Variants in FCHSD1 observed in about 807,000 individuals in gnomAD.
FCHSD1 encodes F-BAR and double SH3 domains protein 1.
FCHSD1 carries 109 observed loss-of-function variants against 101.3 expected under a neutral mutation model. The ratio of observed to expected loss-of-function variants is 1.08; its 90% CI spans 0.92 to 1.26. The LOEUF is 1.26. Among genes scored for constraint, FCHSD1 ranks in the 50% most tolerant of loss-of-function variants. FCHSD1 has a pLI of 0.00. For missense variants in FCHSD1, 820 were observed against 895.8 expected (o/e 0.92, Z 1.08); for synonymous variants, 291 against 356.8 (o/e 0.82, Z 2.08).
intron 1 of FCHSD1, 88 bp downstream of exon 1, chr5:141,651,260 T>C (rs945508351): frequency 7.8e-6 from 12 of 1,546,172 alleles, no homozygotes; most frequent in African/African-American, 1.4e-5. Context: ...CCCTTCCGAC[T>C]TCCCGTCTCC....
chr5:141,649,284 G>T lies in FCHSD1; in HGVS notation c.400C>A (p.Gln134Lys), dbSNP rs769340798. The change falls in exon 6 of 20, where the codon CAG becomes AAG. Residue 134 changes from glutamine (Q) to lysine (K), a missense_variant. Physicochemically the swap from Gln to Lys is moderately conservative, Grantham distance 53. Coordinates refer to ENST00000435817, the MANE Select transcript of FCHSD1 (RefSeq NM_033449.3). The surrounding 1 kb of genome is among the most constrained non-coding windows in gnomAD (Gnocchi z 4.1). ...RKGTENLQRA[Q>K]AEVLQSVREL... is the part of the protein sequence containing the mutation. Reference sequence around the variant, plus strand: ...CGGACAGACTGCAGCACCTCAGCCTGCGCCCTCTGGAGGTTCTCTGTTCCC... The same window carrying T: ...CGGACAGACTGCAGCACCTCAGCCTTCGCCCTCTGGAGGTTCTCTGTTCCC... The T allele has an allele frequency of 5.6e-6, 9 of 1,613,996 alleles. No homozygotes were observed. Among genetic ancestry groups the T allele is most frequent in the Non-Finnish European group, 7.6e-6 (9 of 1,179,890 alleles).
intron 18 of FCHSD1, chr5:141,642,411 G>A (rs1472123347): frequency 1.4e-6 from 1 of 694,198 alleles, no homozygotes; most frequent in East Asian, 2.7e-5. Flanking sequence ...CAGGTACAAT[G>A]TTCACTATTT....
chr5:141,649,672 C>T lies in FCHSD1; in HGVS notation c.234-136G>A, dbSNP rs769138429. On this transcript the variant is annotated intron_variant, in intron 4 of 19. Coordinates refer to ENST00000435817, the MANE Select transcript of FCHSD1 (RefSeq NM_033449.3). The surrounding 1 kb of genome is among the most constrained non-coding windows in gnomAD (Gnocchi z 4.1). ...CTCCCTTGTCTGGGAGCCCATCAAT[C>T]GATCAGCCCATTAGCTCAGCCACAA... 6.1e-6 allele frequency: 8 copies of T among 1,315,208 alleles called. No homozygotes were observed. Among genetic ancestry groups the T allele is most frequent in the East Asian group, 2.5e-5 (1 of 39,576 alleles). 81.5% of individuals were successfully genotyped at this position (1,315,208 alleles called of 1,614,324 possible).
chr5:141,644,556 A>C lies in FCHSD1; in HGVS notation c.1642+17T>G, dbSNP rs1373645399. 1 of 1,613,014 alleles carries C rather than the reference A, an allele frequency of 6.2e-7. No homozygotes were observed. The highest frequency in any genetic ancestry group is 8.5e-7 in the Non-Finnish European group (1 of 1,179,174). ...TCCATACCCAGGGTCCTCTAACCCA[A>C]AATTTCCCTTTCTTACCTGTGGGCT... On this transcript the variant is annotated intron_variant, in intron 16 of 19. Coordinates refer to ENST00000435817, the MANE Select transcript of FCHSD1 (RefSeq NM_033449.3).
Position 141,651,008 on chromosome 5 carries a change from TGGG to T in FCHSD1, c.119+9_119+11del. 6.4e-7 allele frequency: 1 copy of T among 1,572,386 alleles called. No individual in the cohort carries two copies. The highest frequency in any genetic ancestry group is 8.6e-7 in the Non-Finnish European group (1 of 1,157,420). On this transcript the variant is annotated intron_variant, in intron 2 of 19. Transcript: ENST00000435817. ...GAAGGTGAGTGTAAATGAAGGGGGTTGGGGGAGCTACCTGATGTCCTCCAGCAG... is the reference window on the plus strand; with the variant it reads ...GAAGGTGAGTGTAAATGAAGGGGGTTGGAGCTACCTGATGTCCTCCAGCAG...
chr5:141,648,173 C>T, intron 7 of FCHSD1, 77 bp from the exon 8 acceptor site: 1 of 1,491,738 alleles, frequency 6.7e-7, no homozygotes, highest in African/African-American at 1.4e-5. Context: ...AAGCCAGATC[C>T]AGAATGGATT....
At chr5:141,643,582 G>A (rs2154598351) in intron 17 of FCHSD1, among the ~76,000 whole-genome samples, 1 of 152,340 alleles carries the variant, frequency 6.6e-6, no homozygotes, top group Middle Eastern at 3.4e-3. Flanking sequence ...GGGCGCAGTG[G>A]CTCATGCCTA....
At chr5:141,642,754 A>G in intron 18 of FCHSD1, 1 of 552,762 alleles carries the variant, frequency 1.8e-6, no homozygotes. Context: ...TCAATAAGCT[A>G]GTACCTTTTC....
At chr5:141,650,869 A>G (rs1432847454) in intron 2 of FCHSD1, 151 bp downstream of exon 2, 2 of 700,924 alleles carry the variant, frequency 2.9e-6, no homozygotes, top group African/African-American at 1.8e-5. Flanking sequence ...CCTATCCAGT[A>G]TCTGGAGAGG....
chr5:141,644,076 C>T (rs959460582), intron 17 of FCHSD1, 142 bp downstream of exon 17: 1 of 799,196 alleles, frequency 1.3e-6, no homozygotes, highest in Non-Finnish European at 2.0e-6. Context: ...CCCTGCCCCC[C>T]CATAGGAGAT....
At position 141,640,944 on chromosome 5, in the gene FCHSD1, C is replaced by A; in HGVS notation, c.*554G>T. On this transcript the variant is annotated 3_prime_UTR_variant, in exon 20 of 20. Coordinates refer to ENST00000435817, the MANE Select transcript of FCHSD1 (RefSeq NM_033449.3). ...TGGCAGCTGGGAGCAGGCCCCTGCCCGTGGTGGGCCCCTAAAGCAATAGCA... is the reference window on the plus strand; with the variant it reads ...TGGCAGCTGGGAGCAGGCCCCTGCCAGTGGTGGGCCCCTAAAGCAATAGCA... The A allele has an allele frequency of 2.0e-6, 1 of 508,784 alleles. No individual in the cohort carries two copies. Among genetic ancestry groups the A allele is most frequent in the Non-Finnish European group, 3.5e-6 (1 of 288,724 alleles). The allele number at this position is 508,784 out of a possible 1,614,324, so 31.5% of individuals were successfully genotyped here.
rs199678864 is a variant in FCHSD1, at chr5:141,644,406, C to T, written c.1675G>A (p.Gly559Arg). 1.9e-4 allele frequency: 307 copies of T among 1,613,902 alleles called. No homozygotes were observed. Among genetic ancestry groups the T allele is most frequent in the Admixed American group, 3.0e-4 (18 of 60,010 alleles). Reference protein sequence around the residue: ...FLAQALYSYTGQSAEELSFPE... With the variant: ...FLAQALYSYTRQSAEELSFPE... ...AAGCTCAGCTCCTCTGCACTCTGTC[C>T]GGTGTAGCTGTACAGGGCCTGTGCC... Residue 559 changes from glycine to arginine, a missense_variant, in exon 17 of 20, where the codon GGA becomes AGA. Transcript: ENST00000435817.
chr5:141,645,000 G>C lies in FCHSD1; in HGVS notation c.1440+20C>G. ...TGTCCCCCACCCTTGCCCATCAGAG[G>C]TCCCCACCCCCATTCATACCTGATA... On this transcript the variant is annotated intron_variant, in intron 14 of 19. Transcript: ENST00000435817. 6.2e-7 allele frequency: 1 copy of C among 1,613,668 alleles called. No homozygotes were observed. Among genetic ancestry groups the C allele is most frequent in the South Asian group, 1.1e-5 (1 of 91,042 alleles).
At chr5:141,645,623 G>T in intron 13 of FCHSD1, 148 bp downstream of exon 13, 1 of 1,001,116 alleles carries the variant, frequency 1.0e-6, no homozygotes, top group Non-Finnish European at 1.4e-6. Context: ...CAGAAATTAT[G>T]CAAAGAATGA....
intron 18 of FCHSD1, chr5:141,642,375 G>A (rs139821919): frequency 8.7e-6 from 6 of 688,184 alleles, no homozygotes; most frequent in South Asian, 7.7e-5. Context: ...AGTAGAGGCA[G>A]GGGCGAGGGT....
rs756165394 is a variant in FCHSD1, at chr5:141,647,242, G to A, written c.829-12C>T. On this transcript the variant is annotated splice_polypyrimidine_tract_variant and intron_variant, in intron 9 of 19. Coordinates refer to ENST00000435817, the MANE Select transcript of FCHSD1 (RefSeq NM_033449.3). ...TGCTCCCAGCTTACCTAGGGGTTGG[G>A]AAAAGTCAAAGTCACTCATTCACTG... 2 of 1,597,186 alleles carry A rather than the reference G, an allele frequency of 1.3e-6. No individual in the cohort carries two copies. The highest frequency in any genetic ancestry group is 1.3e-5 in the African/African-American group (1 of 74,608).
chr5:141,645,678 G>C, intron 13 of FCHSD1, 93 bp downstream of exon 13: 1 of 1,407,384 alleles, frequency 7.1e-7, no homozygotes, highest in Non-Finnish European at 9.5e-7. Flanking sequence ...CTTTGAGTTA[G>C]GCACAACTGT....
At chr5:141,646,764 C>T (rs1229981151) in intron 10 of FCHSD1, 42 bp from the exon 11 acceptor site, 2 of 1,597,178 alleles carry the variant, frequency 1.3e-6, no homozygotes, top group South Asian at 1.1e-5. Context: ...CCTGAGGCTG[C>T]TCCTTCTCTC....
intron 1 of FCHSD1, 83 bp from the exon 2 acceptor site, chr5:141,651,200 CG>C (rs1366637083): frequency 1.4e-4 from 128 of 943,076 alleles, no homozygotes; most frequent in East Asian, 2.0e-4. Context: ...GGGGCGGGGC[CG>C]GGGGGGTGCT....
Sources: allele counts gnomAD v4.1 joint callset (sites outside exome capture counted in the v4.1 genomes callset), GRCh38; gene constraint gnomAD v4.1.1; non-coding constraint Gnocchi (gnomAD v3.1); transcripts MANE v1.5; gene names NCBI Gene and HGNC (gene_info 2026-07-23, HGNC 2026-07-21).